ROR1: variants seen among roughly 807,000 people sequenced by gnomAD.
ROR1 encodes the protein inactive tyrosine-protein kinase transmembrane receptor ROR1.
A neutral mutation model predicts 78.8 loss-of-function variants in ROR1; 19 were observed. The observed-to-expected ratio is 0.24, with a 90% CI of 0.17 to 0.35. ROR1 has a LOEUF of 0.35. ROR1 is among the 10% of genes least tolerant of loss of function. ROR1 has a pLI of 1.00. For synonymous variants in ROR1, 386 were observed against 433.6 expected (o/e 0.89, Z 1.36); for missense variants, 917 against 1,177.8 (o/e 0.78, Z 3.24).
rs1012734932 is a variant in ROR1 at position 63,841,825 on chromosome 1, A to G, written c.91+67317A>G. ...TCTGTATGAAAGAGGATTTTATCCA[A>G]TATCATGGGTTTACCTATGCCCTGA... On this transcript the variant is annotated intron_variant, in intron 1 of 8. Coordinates refer to ENST00000371079, the MANE Select transcript of ROR1 (RefSeq NM_005012.4). 3.9e-4 allele frequency among the ~76,000 whole-genome samples: 59 copies of G among 152,224 alleles called. 2 individuals are homozygous for G. The highest frequency in any genetic ancestry group is 1.6e-4 in the Non-Finnish European group (11 of 68,038).
intron 1 of ROR1, among the ~76,000 whole-genome samples, chr1:63,828,355 G>A (rs143264239): frequency 7.2e-5 from 11 of 152,138 alleles, no homozygotes; most frequent in Admixed American, 4.6e-4. Flanking sequence ...AATTTCCCTA[G>A]CAATAATATG....
intron 1 of ROR1, among the ~76,000 whole-genome samples, chr1:63,808,240 G>A (rs563946223): frequency 3.5e-4 from 54 of 152,184 alleles, no homozygotes; most frequent in Non-Finnish European, 6.2e-4. Flanking sequence ...GAAAGCAGTG[G>A]GCCATCTCCT....
At chr1:64,015,592 G>A (rs967195799) in intron 2 of ROR1, among the ~76,000 whole-genome samples, 3 of 152,128 alleles carry the variant, frequency 2.0e-5, no homozygotes, top group Non-Finnish European at 2.9e-5. Flanking sequence ...AGTCAGAATG[G>A]GGTGACTGAG....
At chr1:63,831,018 CTA>C (rs1307833265) in intron 1 of ROR1, among the ~76,000 whole-genome samples, 2 of 152,230 alleles carry the variant, frequency 1.3e-5, no homozygotes, top group Non-Finnish European at 2.9e-5. Context: ...TCCTTTGACT[CTA>C]TGTCTCACAT....
chr1:63,841,042 A>T (rs894588071), intron 1 of ROR1, among the ~76,000 whole-genome samples: 1 of 152,086 alleles, frequency 6.6e-6, no homozygotes, highest in African/African-American at 2.4e-5. Context: ...TTCTATGAGT[A>T]TTTCTTCCCC....
At chr1:63,806,471 C>A (rs1198665702) in intron 1 of ROR1, among the ~76,000 whole-genome samples, 3 of 152,210 alleles carry the variant, frequency 2.0e-5, no homozygotes, top group Middle Eastern at 3.4e-3. Flanking sequence ...GTGCCCGCCA[C>A]CACGCCCTGC....
intron 1 of ROR1, among the ~76,000 whole-genome samples, chr1:63,883,212 G>T (rs970373150): frequency 2.0e-5 from 3 of 151,944 alleles, no homozygotes; most frequent in African/African-American, 7.3e-5. Context: ...CCAACTCTGA[G>T]ATTTTTTTCA....
intron 7 of ROR1, among the ~76,000 whole-genome samples, chr1:64,150,512 A>G (rs1416140686): frequency 6.6e-6 from 1 of 152,240 alleles, no homozygotes; most frequent in Non-Finnish European, 1.5e-5. Context: ...GAACACTGCC[A>G]TTTTTAACTT....
chr1:63,831,629 G>T (rs1338599612), intron 1 of ROR1, among the ~76,000 whole-genome samples: 2 of 152,210 alleles, frequency 1.3e-5, no homozygotes, highest in Non-Finnish European at 2.9e-5. Context: ...TCCCTTCTAG[G>T]CCTCTGGGCC....
chr1:63,903,263 G>T (rs969914391), intron 1 of ROR1, among the ~76,000 whole-genome samples: 8 of 152,080 alleles, frequency 5.3e-5, no homozygotes, highest in Admixed American at 6.6e-5. Flanking sequence ...CACCCTCCCT[G>T]CCTTTTCTTC....
intron 1 of ROR1, chr1:63,788,732 C>T: frequency 2.4e-6 from 1 of 420,548 alleles, no homozygotes; most frequent in Admixed American, 3.0e-5. Context: ...CTTGTCTCTT[C>T]CTCCTTGGAC....
chr1:64,058,844 C>T (rs1646894955), intron 4 of ROR1, among the ~76,000 whole-genome samples: 1 of 151,946 alleles, frequency 6.6e-6, no homozygotes, highest in African/African-American at 2.4e-5. Flanking sequence ...GTAATATTGG[C>T]CTCAGAATAT....
chr1:63,946,417 T>G (rs1645890142), intron 1 of ROR1, among the ~76,000 whole-genome samples: 1 of 152,202 alleles, frequency 6.6e-6, no homozygotes, highest in Non-Finnish European at 1.5e-5. Context: ...CCTCTAACTT[T>G]GTTTGACAGT....
chr1:64,125,187 C>T (rs947249598), intron 4 of ROR1, among the ~76,000 whole-genome samples: 11 of 152,166 alleles, frequency 7.2e-5, no homozygotes, highest in African/African-American at 1.2e-4. Flanking sequence ...GGTTTTAAGG[C>T]GGGCTTTGGC....
chr1:64,143,299 T>C, intron 7 of ROR1: 1 of 959,892 alleles, frequency 1.0e-6, no homozygotes, highest in African/African-American at 1.8e-5. Flanking sequence ...GGCAGGAGGA[T>C]CATTTGAGCC....
chr1:63,835,105 T>C (rs148270865), intron 1 of ROR1, among the ~76,000 whole-genome samples: 84 of 152,144 alleles, frequency 5.5e-4, no homozygotes, highest in African/African-American at 1.8e-3. Flanking sequence ...TTCCCTTCTT[T>C]CTTAACCTCC....
At chr1:64,053,306 C>A (rs1315851384) in intron 4 of ROR1, among the ~76,000 whole-genome samples, 2 of 152,184 alleles carry the variant, frequency 1.3e-5, no homozygotes, top group Middle Eastern at 3.2e-3. Context: ...GGCTACACAA[C>A]TCCTGCCTGG....
chr1:63,979,915 A>T (rs984289453), intron 1 of ROR1, among the ~76,000 whole-genome samples: 2 of 152,314 alleles, frequency 1.3e-5, no homozygotes, highest in Non-Finnish European at 1.5e-5. Flanking sequence ...CAAAACAACA[A>T]TGCACATCTG....
intron 4 of ROR1, among the ~76,000 whole-genome samples, chr1:64,052,673 A>G (rs556120503): frequency 1.3e-5 from 2 of 152,336 alleles, no homozygotes; most frequent in Non-Finnish European, 2.9e-5. Context: ...TCTCTGTTTT[A>G]TATTAGCTGT....
Sources: gnomAD v4.1 joint callset for allele counts (sites outside exome capture counted in the v4.1 genomes callset) on GRCh38, gnomAD v4.1.1 for gene constraint, MANE v1.5 for transcripts, NCBI Gene and HGNC (gene_info 2026-07-23, HGNC 2026-07-21) for gene names.